Variants in DLG2 observed in about 807,000 individuals in gnomAD.
The protein encoded by DLG2 is disks large homolog 2.
A neutral mutation model predicts 132.5 loss-of-function variants in DLG2; 45 were observed. The ratio of observed to expected loss-of-function variants is 0.34; its 90% confidence interval spans 0.27 to 0.44. DLG2 has a LOEUF of 0.44. Among genes scored for constraint, DLG2 ranks in the 20% least tolerant of loss-of-function variants. The pLI is 1.00. For synonymous variants in DLG2, 424 were observed against 419.6 expected (o/e 1.01, Z -0.13); for missense variants, 1,045 against 1,196.9 (o/e 0.87, Z 1.87).
chr11:84,901,903 A>G (rs2090938084), intron 6 of DLG2, among the ~76,000 whole-genome samples: 1 of 152,144 alleles, frequency 6.6e-6, no homozygotes, highest in Admixed American at 6.6e-5. Flanking sequence ...AAGGGGGGAA[A>G]AAAAGGAAGG....
intron 8 of DLG2, among the ~76,000 whole-genome samples, chr11:84,166,279 G>A (rs757426568): frequency 3.9e-5 from 6 of 151,950 alleles, no homozygotes; most frequent in South Asian, 2.1e-4. Flanking sequence ...AGGAGCAGGC[G>A]GATCAAGAGG....
intron 5 of DLG2, among the ~76,000 whole-genome samples, chr11:85,128,600 C>G (rs1237472794): frequency 1.3e-5 from 2 of 152,126 alleles, no homozygotes; most frequent in Non-Finnish European, 2.9e-5. Flanking sequence ...TTAAATTAGG[C>G]AGAATATTCT....
intron 4 of DLG2, among the ~76,000 whole-genome samples, chr11:85,184,237 G>GAGAAAACA (rs2079929516): frequency 6.6e-6 from 1 of 151,718 alleles, no homozygotes; most frequent in Non-Finnish European, 1.5e-5. Flanking sequence ...AATCAAAATA[G>GAGAAAACA]AGAAAACAGT....
At chr11:85,319,157 C>A (rs1260456725) in intron 3 of DLG2, among the ~76,000 whole-genome samples, 4 of 151,768 alleles carry the variant, frequency 2.6e-5, no homozygotes, top group African/African-American at 7.2e-5. Context: ...TTTCTTTAAG[C>A]CCAAAATGAA....
At chr11:85,439,995 C>A (rs2091696764) in intron 3 of DLG2, among the ~76,000 whole-genome samples, 1 of 152,130 alleles carries the variant, frequency 6.6e-6, no homozygotes, top group South Asian at 2.1e-4. Context: ...ATCAGACTGT[C>A]TGGATTTGAA....
At chr11:85,451,476 T>A (rs2092241877) in intron 3 of DLG2, among the ~76,000 whole-genome samples, 1 of 152,326 alleles carries the variant, frequency 6.6e-6, no homozygotes, top group African/African-American at 2.4e-5. Flanking sequence ...AATTGTGACT[T>A]GCTTTATTGT....
chr11:84,214,443 G>A (rs1190520766), intron 8 of DLG2, among the ~76,000 whole-genome samples: 1 of 150,972 alleles, frequency 6.6e-6, no homozygotes, highest in African/African-American at 2.4e-5. Context: ...GTTTATATAT[G>A]TATAAACATA....
intron 6 of DLG2, chr11:84,720,600 G>A (rs1357171874): frequency 8.6e-6 from 4 of 462,434 alleles, no homozygotes; most frequent in Admixed American, 1.3e-4. Flanking sequence ...GGAACGAGGC[G>A]TGTGGGGGGA....
intron 8 of DLG2, among the ~76,000 whole-genome samples, chr11:84,203,656 C>T (rs2096627503): frequency 6.6e-6 from 1 of 150,866 alleles, no homozygotes; most frequent in Admixed American, 6.6e-5. Context: ...AGCCATTAAC[C>T]TCAGCAGTCT....
chr11:83,982,348 A>G (rs1194078874), intron 11 of DLG2, among the ~76,000 whole-genome samples: 1 of 152,036 alleles, frequency 6.6e-6, no homozygotes, highest in Non-Finnish European at 1.5e-5. Context: ...TTTACATGTT[A>G]TTGCTCCTGA....
chr11:84,667,465 CAA>C (rs1371295375), intron 6 of DLG2, among the ~76,000 whole-genome samples: 1 of 142,326 alleles, frequency 7.0e-6, no homozygotes, highest in Non-Finnish European at 1.5e-5. Context: ...AACATTGATT[CAA>C]GTTTTTTTTT....
chr11:83,823,078 A>G (rs1349860315), intron 17 of DLG2, among the ~76,000 whole-genome samples: 1 of 152,178 alleles, frequency 6.6e-6, no homozygotes, highest in African/African-American at 2.4e-5. Flanking sequence ...TTATACATAT[A>G]TATGGTAATG....
At chr11:83,701,134 C>T (rs1356626220) in intron 18 of DLG2, among the ~76,000 whole-genome samples, 12 of 152,054 alleles carry the variant, frequency 7.9e-5, no homozygotes, top group Admixed American at 7.9e-4. Flanking sequence ...TGATGAGAAA[C>T]CCCCTTTGGG....
intron 7 of DLG2, among the ~76,000 whole-genome samples, chr11:84,513,863 A>G (rs1306190959): frequency 6.6e-6 from 1 of 152,074 alleles, no homozygotes; most frequent in African/African-American, 2.4e-5. Flanking sequence ...CTAGTTAAAA[A>G]GCAACACAGC....
intron 7 of DLG2, among the ~76,000 whole-genome samples, chr11:84,443,462 G>A (rs2099023548): frequency 6.6e-6 from 1 of 152,088 alleles, no homozygotes; most frequent in Admixed American, 6.5e-5. Context: ...AATATGTCCA[G>A]CTTTAATGCT....
At chr11:85,448,063 C>T (rs915894357) in intron 3 of DLG2, among the ~76,000 whole-genome samples, 3 of 152,024 alleles carry the variant, frequency 2.0e-5, no homozygotes, top group African/African-American at 4.8e-5. Flanking sequence ...TTCTTAGCCT[C>T]GATTGCTAAT....
chr11:84,773,440 G>C (rs768694660), intron 6 of DLG2, among the ~76,000 whole-genome samples: 43 of 152,122 alleles, frequency 2.8e-4, no homozygotes, highest in Non-Finnish European at 6.2e-4. Flanking sequence ...GCATCATCCT[G>C]CTACCAAAAC....
At chr11:85,324,257 G>A (rs1207336587) in intron 3 of DLG2, among the ~76,000 whole-genome samples, 1 of 151,956 alleles carries the variant, frequency 6.6e-6, no homozygotes, top group Non-Finnish European at 1.5e-5. Context: ...TTTTTTGGTG[G>A]AGTGATGCCA....
chr11:84,493,417 C>G (rs1021986556), intron 7 of DLG2, among the ~76,000 whole-genome samples: 6 of 152,016 alleles, frequency 3.9e-5, no homozygotes, highest in Non-Finnish European at 7.4e-5. Flanking sequence ...TCCTAGTCAC[C>G]CATAAACTCT....
Sources: gnomAD v4.1 joint callset for allele counts (sites outside exome capture counted in the v4.1 genomes callset) on GRCh38, gnomAD v4.1.1 for gene constraint, MANE v1.5 for transcripts, NCBI Gene and HGNC (gene_info 2026-07-23, HGNC 2026-07-21) for gene names.